Variants in RORA observed in about 807,000 individuals in gnomAD.
RORA encodes RAR related orphan receptor A.
A neutral mutation model predicts 69.5 loss-of-function variants in RORA; 7 were observed. The ratio of observed to expected loss-of-function variants is 0.10; its 90% CI spans 0.06 to 0.19. The LOEUF (loss-of-function observed/expected upper bound fraction) is 0.19, where lower values mean the gene tolerates loss of function less well. Among genes scored for constraint, RORA ranks in the 10% least tolerant of loss-of-function variants. The pLI is 1.00. For missense variants in RORA, 457 were observed against 663.0 expected, an observed-to-expected ratio of 0.69 and a Z score of 3.41; for synonymous variants, 261 against 240.8, an observed-to-expected ratio of 1.08 and a Z score of -0.78.
At chr15:60,723,363 C>A (rs571256610) in intron 1 of RORA, among the ~76,000 whole-genome samples, 1 of 150,566 alleles carries the variant, frequency 6.6e-6, no homozygotes, top group South Asian at 2.1e-4. Context: ...CAAATGTGAT[C>A]CTATCAAAAC....
At chr15:60,978,685 ATTCC>A (rs1893945219) in intron 1 of RORA, among the ~76,000 whole-genome samples, 1 of 152,080 alleles carries the variant, frequency 6.6e-6, no homozygotes, top group Non-Finnish European at 1.5e-5. Flanking sequence ...TCTATTTTGA[ATTCC>A]TTTTTTGTAC....
intron 1 of RORA, among the ~76,000 whole-genome samples, chr15:60,721,401 C>G (rs2071291717): frequency 6.6e-6 from 1 of 152,200 alleles, no homozygotes; most frequent in South Asian, 2.1e-4. Context: ...CCACAATAGC[C>G]AAGCACCTCC....
chr15:60,730,068 C>T lies in RORA; in HGVS notation c.167-51382G>A, dbSNP rs117823039. ...TAAAACCATGAACAAGAGTAAACAG[C>T]GAATGTTGGGGAAGGAGTTTTCAAA... is the stretch of plus-strand genomic sequence containing the variant. On this transcript the variant is annotated intron_variant, in intron 1 of 10. Transcript: ENST00000335670. 6.5e-3 allele frequency among the ~76,000 whole-genome samples: 996 copies of T among 152,234 alleles called. 6 individuals carry two copies. Among genetic ancestry groups the T allele is most frequent in the South Asian group, 0.019 (90 of 4,818 alleles).
chr15:61,071,505 AGAGAGGGGAAGGGAG>A (rs2078355920), intron 1 of RORA, among the ~76,000 whole-genome samples: 1 of 9,106 alleles, frequency 1.1e-4, no homozygotes, highest in African/African-American at 6.3e-4. Flanking sequence ...GGAAGGGAGG[AGAGAGGGGAAGGGAG>A]GGGAGGGGGA....
intron 1 of RORA, among the ~76,000 whole-genome samples, chr15:60,943,671 T>G (rs1377750449): frequency 6.6e-6 from 1 of 151,786 alleles, no homozygotes; most frequent in Non-Finnish European, 1.5e-5. Flanking sequence ...ATCCCAGCAC[T>G]TTGGGAGGCT....
intron 1 of RORA, among the ~76,000 whole-genome samples, chr15:60,975,360 G>A (rs1893846847): frequency 6.6e-6 from 1 of 152,206 alleles, no homozygotes; most frequent in African/African-American, 2.4e-5. Context: ...CTAGGAAGGT[G>A]TCCCGGTCTG....
At chr15:61,202,861 G>C (rs10519116) in intron 1 of RORA, among the ~76,000 whole-genome samples, 39,003 of 152,090 alleles carry the variant, frequency 0.26, 5,073 homozygotes, top group Admixed American at 0.28. Flanking sequence ...TTTAGGCTCT[G>C]AATTTCCACT....
intron 1 of RORA, among the ~76,000 whole-genome samples, chr15:61,217,986 C>G (rs1000572221): frequency 2.6e-5 from 4 of 152,158 alleles, no homozygotes; most frequent in African/African-American, 7.2e-5. Context: ...CTTCCTCCCC[C>G]ACTGCTGGGC....
At chr15:60,526,486 C>T (rs922688059) in intron 3 of RORA, among the ~76,000 whole-genome samples, 9 of 152,088 alleles carry the variant, frequency 5.9e-5, no homozygotes, top group African/African-American at 2.2e-4. Context: ...TCTAAACAAA[C>T]AAATAAAAAA....
At chr15:60,960,435 C>G (rs1057312489) in intron 1 of RORA, among the ~76,000 whole-genome samples, 9 of 152,066 alleles carry the variant, frequency 5.9e-5, no homozygotes, top group African/African-American at 1.9e-4. Context: ...CAGATTTAGG[C>G]AATACAATTG....
At chr15:60,984,602 C>A (rs1426044977) in intron 1 of RORA, among the ~76,000 whole-genome samples, 2 of 152,010 alleles carry the variant, frequency 1.3e-5, no homozygotes, top group African/African-American at 4.8e-5. Flanking sequence ...TCTGTAATAA[C>A]CAGTGCTACT....
chr15:60,522,809 C>A (rs1198486627), intron 3 of RORA, among the ~76,000 whole-genome samples: 14 of 148,144 alleles, frequency 9.5e-5, no homozygotes, highest in Admixed American at 6.7e-5. Flanking sequence ...TGGTGGCTCA[C>A]ACCTGTAATC....
intron 1 of RORA, among the ~76,000 whole-genome samples, chr15:60,729,187 C>A (rs1567171356): frequency 6.6e-6 from 1 of 152,158 alleles, no homozygotes; most frequent in Non-Finnish European, 1.5e-5. Context: ...CCCCCCACCC[C>A]ACCCCATATT....
At chr15:61,172,505 C>T (rs1258690337) in intron 1 of RORA, among the ~76,000 whole-genome samples, 5 of 152,158 alleles carry the variant, frequency 3.3e-5, no homozygotes, top group Admixed American at 3.3e-4. Flanking sequence ...CCCAGGACAG[C>T]AGCCCACAGA....
intron 1 of RORA, among the ~76,000 whole-genome samples, chr15:61,193,638 C>G (rs565727141): frequency 4.9e-4 from 75 of 152,284 alleles, no homozygotes; most frequent in Non-Finnish European, 7.3e-4. Context: ...CTCAAAAGAG[C>G]TATGACCAAT....
chr15:60,503,987 G>C (rs972175303), intron 6 of RORA, among the ~76,000 whole-genome samples: 1 of 152,020 alleles, frequency 6.6e-6, no homozygotes, highest in Non-Finnish European at 1.5e-5. Context: ...ATGTTTAATA[G>C]AGACAGAGTT....
At chr15:61,200,329 T>A (rs1567034865) in intron 1 of RORA, among the ~76,000 whole-genome samples, 1 of 151,932 alleles carries the variant, frequency 6.6e-6, no homozygotes, top group African/African-American at 2.4e-5. Context: ...CCTTTCAGGG[T>A]GTTGAGAGGC....
Position 60,816,102 on chromosome 15 carries a change from GTATTTA to G in RORA, c.167-137422_167-137417del, listed in dbSNP as rs1237018782. Among the ~76,000 whole-genome samples the G allele has an allele frequency of 1.3e-3, 166 of 130,526 alleles. 2 individuals carry two copies. Among genetic ancestry groups the G allele is most frequent in the African/African-American group, 3.6e-3 (119 of 32,678 alleles). The allele number at this position is 130,526 out of a possible 152,430, so 85.6% of individuals were successfully genotyped here. A position where few individuals can be genotyped will look rare whatever the true frequency, so the allele number is the denominator to read the frequency against. The stretch of plus-strand genomic sequence containing the variant: ...TATATGTATACTGTAAACAGTATAT[GTATTTA>G]TATACTGTAAACAGTATATGTATTT... On this transcript the variant is annotated intron_variant, in intron 1 of 10. Coordinates refer to ENST00000335670, the MANE Select transcript of RORA (RefSeq NM_134261.3).
intron 1 of RORA, among the ~76,000 whole-genome samples, chr15:60,998,305 A>T (rs2140377492): frequency 6.6e-6 from 1 of 152,194 alleles, no homozygotes; most frequent in East Asian, 1.9e-4. Context: ...CTGCGACTAC[A>T]GGCATGTAAT....
Sources: allele counts gnomAD v4.1 joint callset (sites outside exome capture counted in the v4.1 genomes callset), GRCh38; gene constraint gnomAD v4.1.1; transcripts MANE v1.5; gene names NCBI Gene and HGNC (gene_info 2026-07-23, HGNC 2026-07-21).